The following RAP1GDS1 variants were observed in gnomAD, a reference collection of about 807,000 sequenced individuals.
RAP1GDS1 encodes the protein Rap1 GTPase-GDP dissociation stimulator 1.
A neutral mutation model predicts 71.1 loss-of-function variants in RAP1GDS1; 35 were observed. The observed-to-expected ratio is 0.49, with a 90% confidence interval of 0.38 to 0.65. The LOEUF (loss-of-function observed/expected upper bound fraction) is 0.65. Ranked by LOEUF, RAP1GDS1 falls within the 30% of genes least tolerant of loss-of-function variation. The pLI is 0.00. For synonymous variants in RAP1GDS1, 229 were observed against 243.1 expected, an observed-to-expected ratio of 0.94 and a Z score of 0.54; for missense variants, 663 against 706.1, an observed-to-expected ratio of 0.94 and a Z score of 0.69.
At chr4:98,399,584 G>A (rs553257246) in intron 6 of RAP1GDS1, among the ~76,000 whole-genome samples, 1 of 152,268 alleles carries the variant, frequency 6.6e-6, no homozygotes, top group African/African-American at 2.4e-5. Context: ...GTGAACCACT[G>A]TGTCTGCCCC....
chr4:98,301,598 G>A (rs146403583), intron 2 of RAP1GDS1, among the ~76,000 whole-genome samples: 28 of 152,254 alleles, frequency 1.8e-4, no homozygotes, highest in Middle Eastern at 3.4e-3. Context: ...CCACTGCAGG[G>A]AGAGTTAAGA....
At chr4:98,402,842 A>G (rs918010642) in intron 6 of RAP1GDS1, among the ~76,000 whole-genome samples, 11 of 152,344 alleles carry the variant, frequency 7.2e-5, no homozygotes, top group Admixed American at 1.3e-4. Context: ...TGGTTGAAGC[A>G]GTATGTACTG....
At position 98,352,169 on chromosome 4, in the gene RAP1GDS1, G is replaced by A. The variant is rs561969723; in HGVS notation, c.236-307G>A. On this transcript the variant is annotated intron_variant, in intron 3 of 14. Transcript: ENST00000408927. ...ACACATATTGCTTCCAAAGCATATCGTTATTACGAGAAGATAGTGATAAAT... is the reference window on the plus strand; with the variant it reads ...ACACATATTGCTTCCAAAGCATATCATTATTACGAGAAGATAGTGATAAAT... 6.6e-5 allele frequency among the ~76,000 whole-genome samples: 10 copies of A among 151,944 alleles called. No individual in the cohort carries two copies. In the South Asian group the frequency reaches 1.9e-3, roughly 28 times the overall value.
At chr4:98,365,044 A>T (rs769078151) in intron 4 of RAP1GDS1, among the ~76,000 whole-genome samples, 4 of 151,936 alleles carry the variant, frequency 2.6e-5, no homozygotes, top group Non-Finnish European at 5.9e-5. Flanking sequence ...AAAAGTATGT[A>T]TGTGAATAAA....
At chr4:98,393,028 C>T (rs1448356125) in intron 6 of RAP1GDS1, among the ~76,000 whole-genome samples, 1 of 152,130 alleles carries the variant, frequency 6.6e-6, no homozygotes. Context: ...CCCCCACCTT[C>T]TTGTCTTCCT....
chr4:98,418,591 T>C, intron 9 of RAP1GDS1, 66 bp from the exon 10 acceptor site: 1 of 1,357,764 alleles, frequency 7.4e-7, no homozygotes, highest in Non-Finnish European at 9.8e-7. Context: ...TAGCCAGACA[T>C]CAGTATTATA....
At chr4:98,279,823 T>C (rs1413781413) in intron 1 of RAP1GDS1, among the ~76,000 whole-genome samples, 2 of 152,170 alleles carry the variant, frequency 1.3e-5, no homozygotes, top group Non-Finnish European at 2.9e-5. Flanking sequence ...GTGTTCTCAT[T>C]GTTCAGTTCC....
intron 4 of RAP1GDS1, among the ~76,000 whole-genome samples, chr4:98,361,322 C>T (rs1377509089): frequency 6.6e-6 from 1 of 151,552 alleles, no homozygotes; most frequent in Non-Finnish European, 1.5e-5. Flanking sequence ...TGATCTTGAA[C>T]AATTGGAGTA....
At chr4:98,273,712 T>C (rs1229766162) in intron 1 of RAP1GDS1, among the ~76,000 whole-genome samples, 4 of 152,184 alleles carry the variant, frequency 2.6e-5, no homozygotes, top group Non-Finnish European at 5.9e-5. Flanking sequence ...AGCATATTCA[T>C]TGTATGGAAG....
chr4:98,304,262 G>A (rs1468010525), intron 2 of RAP1GDS1, among the ~76,000 whole-genome samples: 1 of 152,118 alleles, frequency 6.6e-6, no homozygotes, highest in Non-Finnish European at 1.5e-5. Flanking sequence ...GATCTTTGAG[G>A]AATCAGCACC....
Position 98,261,421 on chromosome 4 carries a change from C to G in RAP1GDS1, c.-145C>G. The stretch of plus-strand genomic sequence containing the variant: ...CGCGGCCGCGCCGCCTGCAGCAGCA[C>G]CAGCTGCTCCTCCCCGGCGGCCGCC... On this transcript the variant is annotated 5_prime_UTR_variant, in exon 1 of 15. Coordinates refer to ENST00000408927, the MANE Select transcript of RAP1GDS1 (RefSeq NM_001100427.2). 1.7e-6 allele frequency: 1 copy of G among 579,368 alleles called. No homozygotes were observed. The highest frequency in any genetic ancestry group is 2.5e-6 in the Non-Finnish European group (1 of 399,166). The allele number at this position is 579,368 out of a possible 1,614,324, so 35.9% of individuals were successfully genotyped here.
chr4:98,332,595 T>G (rs2110371252), intron 2 of RAP1GDS1, among the ~76,000 whole-genome samples: 1 of 152,332 alleles, frequency 6.6e-6, no homozygotes, highest in Non-Finnish European at 1.5e-5. Context: ...CAGCAGAATT[T>G]AAACTTCTGA....
intron 13 of RAP1GDS1, among the ~76,000 whole-genome samples, chr4:98,436,165 A>G (rs933617261): frequency 2.0e-5 from 3 of 152,056 alleles, no homozygotes; most frequent in African/African-American, 4.8e-5. Flanking sequence ...TAATTGTACT[A>G]GCACCTTTCG....
intron 7 of RAP1GDS1, among the ~76,000 whole-genome samples, chr4:98,412,061 A>T (rs1747147380): frequency 6.6e-6 from 1 of 152,198 alleles, no homozygotes; most frequent in African/African-American, 2.4e-5. Context: ...AAATTTTAAC[A>T]CATTAAAATT....
intron 1 of RAP1GDS1, among the ~76,000 whole-genome samples, chr4:98,282,884 A>G (rs1376961468): frequency 6.6e-6 from 1 of 152,164 alleles, no homozygotes; most frequent in Non-Finnish European, 1.5e-5. Flanking sequence ...TTTACCTAGT[A>G]GTCATTCAGG....
At chr4:98,312,865 C>G (rs562599896) in intron 2 of RAP1GDS1, among the ~76,000 whole-genome samples, 1 of 151,126 alleles carries the variant, frequency 6.6e-6, no homozygotes, top group Non-Finnish European at 1.5e-5. Flanking sequence ...GTCAGGAGAT[C>G]GAGACCATCC....
chr4:98,398,282 A>T (rs1287741186), intron 6 of RAP1GDS1, among the ~76,000 whole-genome samples: 1 of 152,110 alleles, frequency 6.6e-6, no homozygotes, highest in East Asian at 1.9e-4. Flanking sequence ...TCAGACCAAG[A>T]GTATTAGAAA....
At chr4:98,430,233 A>G (rs1750211721) in intron 12 of RAP1GDS1, among the ~76,000 whole-genome samples, 2 of 152,220 alleles carry the variant, frequency 1.3e-5, no homozygotes, top group African/African-American at 2.4e-5. Context: ...ACTTGAAATT[A>G]TATAGGATTG....
At chr4:98,437,394 T>C (rs1208521681) in intron 14 of RAP1GDS1, among the ~76,000 whole-genome samples, 1 of 152,190 alleles carries the variant, frequency 6.6e-6, no homozygotes, top group Admixed American at 6.5e-5. Flanking sequence ...ATAGCAAATC[T>C]AGACAACATT....
Sources: gnomAD v4.1 joint callset for allele counts (sites outside exome capture counted in the v4.1 genomes callset) on GRCh38, gnomAD v4.1.1 for gene constraint, MANE v1.5 for transcripts, NCBI Gene and HGNC (gene_info 2026-07-23, HGNC 2026-07-21) for gene names.